The following NME9 variants were observed in gnomAD, a reference collection of about 807,000 sequenced individuals.
The protein encoded by NME9 is thioredoxin domain-containing protein 6.
A neutral mutation model predicts 44.4 loss-of-function variants in NME9; 48 were observed. The ratio of observed to expected loss-of-function variants is 1.08; its 90% CI spans 0.86 to 1.37. NME9 has a LOEUF of 1.37. Ranked by LOEUF, NME9 falls within the 40% of genes most tolerant of loss-of-function variation. The pLI is 0.00. For missense variants in NME9, 325 were observed against 405.2 expected, an observed-to-expected ratio of 0.80 and a Z score of 1.70; for synonymous variants, 139 against 147.1, an observed-to-expected ratio of 0.94 and a Z score of 0.40.
intron 8 of NME9, chr3:138,289,165 G>A: frequency 6.7e-7 from 1 of 1,495,508 alleles, no homozygotes; most frequent in Admixed American, 1.8e-5. Flanking sequence ...TATGGGAAGA[G>A]TGTCTTGCAC....
rs774715260 is a variant in NME9, at chr3:138,304,968, G to A, written c.696C>T (p.Leu232=). The A allele has an allele frequency of 9.3e-6, 15 of 1,613,804 alleles. No individual in the cohort carries two copies. The change falls in exon 9 of 11, where the codon CTC becomes CTT. Residue 232 remains leucine, a synonymous_variant. Coordinates refer to ENST00000333911, the MANE Select transcript of NME9 (RefSeq NM_001349018.2). The part of the protein sequence containing the change: ...MCSGPSHLLI[L]TRTEGFEDVV... ...CGTCCTCGAAGCCCTCAGTCCTGGT[G>A]AGGATCAGGAGGTGGCTTGGTCCAC... is the stretch of plus-strand genomic sequence containing the variant.
chr3:138,323,170 C>T (rs567148645), intron 2 of NME9, among the ~76,000 whole-genome samples: 1 of 152,312 alleles, frequency 6.6e-6, no homozygotes, highest in South Asian at 2.1e-4. Flanking sequence ...AATCCCAGCA[C>T]TTTGGGAGGC....
At chr3:138,288,787 G>T (rs866624195) in intron 8 of NME9, among the ~76,000 whole-genome samples, 1 of 151,920 alleles carries the variant, frequency 6.6e-6, no homozygotes, top group South Asian at 2.1e-4. Context: ...ACAGGCGCCC[G>T]CCACTACACC....
intron 6 of NME9, 138 bp from the exon 7 acceptor site, chr3:138,306,618 C>T (rs1041288987): frequency 6.5e-6 from 4 of 610,948 alleles, no homozygotes; most frequent in Middle Eastern, 4.1e-4. Flanking sequence ...GAGTTCCCTT[C>T]CCTGGCCTCT....
At chr3:138,310,946 T>C (rs1034314939) in intron 6 of NME9, among the ~76,000 whole-genome samples, 1 of 151,914 alleles carries the variant, frequency 6.6e-6, no homozygotes, top group African/African-American at 2.4e-5. Flanking sequence ...GCCTAAAAAA[T>C]ACAGAAGATC....
At chr3:138,301,727 T>G in intron 10 of NME9, 23 bp from the exon 11 acceptor site, 1 of 1,528,018 alleles carries the variant, frequency 6.5e-7, no homozygotes, top group Non-Finnish European at 8.8e-7. Context: ...AGATGTTTGG[T>G]AGGACTCCTG....
intron 8 of NME9, among the ~76,000 whole-genome samples, chr3:138,280,661 T>G (rs1323932098): frequency 6.6e-6 from 1 of 151,826 alleles, no homozygotes; most frequent in Non-Finnish European, 1.5e-5. Context: ...GCCAGGCTAA[T>G]TTTTGTATTT....
chr3:138,294,203 A>G (rs146172026), intron 8 of NME9, among the ~76,000 whole-genome samples: 110 of 152,344 alleles, frequency 7.2e-4, no homozygotes, highest in African/African-American at 2.5e-3. Flanking sequence ...CCTGAAGAAT[A>G]TATCTCTCAG....
At chr3:138,288,635 C>CTT (rs547726493) in intron 8 of NME9, among the ~76,000 whole-genome samples, 71 of 109,672 alleles carry the variant, frequency 6.5e-4, no homozygotes, top group African/African-American at 8.9e-4. Flanking sequence ...CTTCTTCAGA[C>CTT]TTTTTTTTTT....
intron 1 of NME9, among the ~76,000 whole-genome samples, chr3:138,325,387 A>C (rs1190632891): frequency 6.6e-6 from 1 of 151,852 alleles, no homozygotes; most frequent in African/African-American, 2.4e-5. Flanking sequence ...CTTTATTAAC[A>C]GTAAAAATTT....
downstream of NME9, chr3:138,297,497 G>C (rs2051588396): frequency 6.6e-6 from 1 of 152,120 alleles, no homozygotes; most frequent in South Asian, 2.1e-4. Context: ...CTCCTGATGG[G>C]GTTGCTCACA....
At chr3:138,274,399 C>A (rs2049078206) in intron 8 of NME9, 1 of 1,243,826 alleles carries the variant, frequency 8.0e-7, no homozygotes, top group Non-Finnish European at 1.2e-6. Context: ...TTGTATTCGT[C>A]CTGTGGTCTT....
intron 2 of NME9, among the ~76,000 whole-genome samples, chr3:138,320,373 T>C (rs934293849): frequency 6.6e-6 from 1 of 152,208 alleles, no homozygotes; most frequent in African/African-American, 2.4e-5. Flanking sequence ...CCAAAATGCC[T>C]CAACACTCCC....
At chr3:138,308,944 A>AG (rs2052479707) in intron 6 of NME9, among the ~76,000 whole-genome samples, 3 of 138,562 alleles carry the variant, frequency 2.2e-5, no homozygotes, top group African/African-American at 8.9e-5. Context: ...AAATACTGAA[A>AG]GAAAAAAAAA....
intron 8 of NME9, among the ~76,000 whole-genome samples, chr3:138,268,701 G>A (rs1215617773): frequency 6.6e-6 from 1 of 151,970 alleles, no homozygotes; most frequent in Non-Finnish European, 1.5e-5. Context: ...GTTTGAGCCT[G>A]GGAATTTGAG....
intron 2 of NME9, among the ~76,000 whole-genome samples, chr3:138,322,072 GT>G (rs201395022): frequency 2.0e-5 from 3 of 151,702 alleles, no homozygotes; most frequent in African/African-American, 7.3e-5. Context: ...GACAGATTTT[GT>G]TTTTTTTAAT....
intron 5 of NME9, 82 bp downstream of exon 5, chr3:138,315,445 A>G (rs2053003720): frequency 4.4e-6 from 4 of 905,224 alleles, no homozygotes; most frequent in Admixed American, 2.2e-5. Flanking sequence ...CAGGAAAGTC[A>G]GGTGAAGGAG....
Position 138,315,623 on chromosome 3 carries a change from C to T in NME9, c.288G>A (p.Val96=), listed in dbSNP as rs550961785. The T allele has an allele frequency of 1.0e-5, 16 of 1,536,482 alleles. No individual in the cohort carries two copies. The highest frequency in any genetic ancestry group is 7.1e-5 in the South Asian group (6 of 84,048). The change falls in exon 5 of 11, where the codon GTG becomes GTA. Residue 96 remains valine, a synonymous_variant. Coordinates refer to ENST00000333911, the MANE Select transcript of NME9 (RefSeq NM_001349018.2). The part of the protein sequence containing the change: ...LFYAGGELVA[V]VRGANAPLLQ... ...GCAGTGGGGCATTTGCTCCTCTAAC[C>T]ACAGCCACCAGTTCTCCTCCCTAGA... is the stretch of plus-strand genomic sequence containing the variant.
chr3:138,267,345 A>G, intron 8 of NME9: 1 of 636,226 alleles, frequency 1.6e-6, no homozygotes, highest in Non-Finnish European at 2.6e-6. Flanking sequence ...TGGGTTTAAA[A>G]ACTACTTCGG....
Sources: allele counts gnomAD v4.1 joint callset (sites outside exome capture counted in the v4.1 genomes callset), GRCh38; gene constraint gnomAD v4.1.1; transcripts MANE v1.5; gene names NCBI Gene and HGNC (gene_info 2026-07-23, HGNC 2026-07-21).